SVOPL: variants seen among roughly 807,000 people sequenced by gnomAD.
SVOPL encodes the protein SVOP like.
SVOPL carries 60 observed loss-of-function variants against 61.0 expected under a neutral mutation model. The ratio of observed to expected loss-of-function variants is 0.98; its 90% confidence interval spans 0.80 to 1.22. The LOEUF (loss-of-function observed/expected upper bound fraction) is 1.22. SVOPL is among the 50% of genes most tolerant of loss of function. The probability of loss-of-function intolerance (pLI) is 0.00; values close to 1 mark genes in which losing one functional copy is unlikely to be tolerated. For missense variants in SVOPL, 662 were observed against 643.9 expected (o/e 1.03, Z -0.30); for synonymous variants, 279 against 250.0 (o/e 1.12, Z -1.09).
At chr7:138,605,698 C>T (rs1798727930) in intron 14 of SVOPL, among the ~76,000 whole-genome samples, 1 of 143,756 alleles carries the variant, frequency 7.0e-6, no homozygotes, top group African/African-American at 2.6e-5. Context: ...CAAGATAAAA[C>T]ACATAACCAC....
At chr7:138,620,116 T>TC (rs1269906016) in intron 14 of SVOPL, among the ~76,000 whole-genome samples, 2 of 136,494 alleles carry the variant, frequency 1.5e-5, no homozygotes, top group Non-Finnish European at 3.1e-5. Context: ...TTGTTTTTTT[T>TC]CTGTTTTGTT....
rs146402992 is a variant in SVOPL, at chr7:138,621,229, T to C, written c.1264-94A>G. On this transcript the variant is annotated intron_variant, in intron 13 of 15. Coordinates refer to ENST00000674285, the MANE Select transcript of SVOPL (RefSeq NM_001139456.2). ...TTCCTCCCCAGGTCAGGTTTTGGAA[T>C]GCATAGAGCACCAAACACAGTTACA... The C allele has an allele frequency of 4.1e-5, 38 of 934,594 alleles. No individual in the cohort carries two copies. The East Asian group carries it at 8.4e-4, about 21-fold the overall frequency. The allele number at this position is 934,594 out of a possible 1,614,324, so 57.9% of individuals were successfully genotyped here.
At chr7:138,650,170 C>CA (rs1343625607) in intron 7 of SVOPL, among the ~76,000 whole-genome samples, 2 of 152,092 alleles carry the variant, frequency 1.3e-5, no homozygotes, top group African/African-American at 4.8e-5. Flanking sequence ...ACAAATTGTA[C>CA]AAAAATTTTT....
At chr7:138,600,578 G>A (rs953726482) in intron 14 of SVOPL, among the ~76,000 whole-genome samples, 7 of 151,986 alleles carry the variant, frequency 4.6e-5, no homozygotes, top group Middle Eastern at 3.4e-3. Flanking sequence ...TTCCAGTCTC[G>A]GTGACAGAGC....
intron 3 of SVOPL, among the ~76,000 whole-genome samples, chr7:138,676,942 CATCA>C (rs1802577997): frequency 1.6e-5 from 1 of 62,302 alleles, no homozygotes; most frequent in African/African-American, 7.1e-5. Context: ...CTCGCTCTGT[CATCA>C]GGGCTGGAGT....
rs1801924674 is a variant in SVOPL, at chr7:138,659,872, G to C, written c.462C>G (p.His154Gln). The change falls in exon 6 of 16, where the codon CAC becomes CAG. Residue 154 changes from histidine (H) to glutamine (Q), a missense_variant. Coordinates refer to ENST00000674285, the MANE Select transcript of SVOPL (RefSeq NM_001139456.2). ...CTGGGTAACATATTTACCCTTGCGAGTGGCCGGACACACCACAGCCCACCA... is the reference window on the plus strand; with the variant it reads ...CTGGGTAACATATTTACCCTTGCGACTGGCCGGACACACCACAGCCCACCA... ...RTMVGCGVSG[H>Q]SQGLIIKTEF... The C allele has an allele frequency of 6.4e-7, 1 of 1,551,496 alleles. No individual in the cohort carries two copies. Among genetic ancestry groups the C allele is most frequent in the Non-Finnish European group, 8.7e-7 (1 of 1,146,968 alleles).
chr7:138,691,674 G>A (rs1350093870), intron 1 of SVOPL, among the ~76,000 whole-genome samples: 4 of 152,042 alleles, frequency 2.6e-5, no homozygotes, highest in East Asian at 3.9e-4. Flanking sequence ...CCGAGAAGCC[G>A]GGATTACAGG....
At chr7:138,600,937 A>G (rs1278972642) in intron 14 of SVOPL, among the ~76,000 whole-genome samples, 1 of 152,122 alleles carries the variant, frequency 6.6e-6, no homozygotes, top group Non-Finnish European at 1.5e-5. Flanking sequence ...GGATTCAGCA[A>G]TCCCTCTGCT....
At chr7:138,601,828 C>T (rs927638758) in intron 14 of SVOPL, among the ~76,000 whole-genome samples, 1 of 152,148 alleles carries the variant, frequency 6.6e-6, no homozygotes, top group East Asian at 1.9e-4. Context: ...TTACTTCCCA[C>T]GTGTCTCTGC....
rs535660443 is a variant in SVOPL at position 138,678,983 on chromosome 7, G to A, written c.63C>T (p.Thr21=). 2.8e-5 allele frequency: 43 copies of A among 1,551,594 alleles called. No homozygotes were observed. Among genetic ancestry groups the A allele is most frequent in the African/African-American group, 9.6e-5 (7 of 73,138 alleles). The change falls in exon 2 of 16, where the codon ACC becomes ACT. Residue 21 remains threonine (T), a synonymous_variant. Coordinates refer to ENST00000674285, the MANE Select transcript of SVOPL (RefSeq NM_001139456.2). ...ILSLRKLSLG[T]AEPQVKEPKT... Reference sequence around the variant, plus strand: ...TCTCACCTTTAACCTGTGGCTCTGCGGTCCCCAGGCTCAATTTCCGAAGGC... The same window carrying A: ...TCTCACCTTTAACCTGTGGCTCTGCAGTCCCCAGGCTCAATTTCCGAAGGC...
intron 4 of SVOPL, among the ~76,000 whole-genome samples, chr7:138,666,191 G>T (rs1802254990): frequency 6.6e-6 from 1 of 152,162 alleles, no homozygotes; most frequent in Non-Finnish European, 1.5e-5. Context: ...TTGCCTTCCT[G>T]GATACACCTA....
At chr7:138,620,366 C>A (rs1799506886) in intron 14 of SVOPL, among the ~76,000 whole-genome samples, 1 of 149,820 alleles carries the variant, frequency 6.7e-6, no homozygotes, top group African/African-American at 2.5e-5. Context: ...GGTGATCCAC[C>A]CACCTCAGCC....
rs1342144324 is a variant in SVOPL at position 138,622,074 on chromosome 7, C to CTATCTGTCTATG, written c.1264-940_1264-939insCATAGACAGATA. ...TCTATGTATCTATCTATCTATGTAT[C>CTATCTGTCTATG]TATCTATCTATCTATGTATCTATCT... On this transcript the variant is annotated intron_variant, in intron 13 of 15. Coordinates refer to ENST00000674285, the MANE Select transcript of SVOPL (RefSeq NM_001139456.2). 8.9e-4 allele frequency among the ~76,000 whole-genome samples: 22 copies of CTATCTGTCTATG among 24,658 alleles called. 1 individual carries two copies. Among genetic ancestry groups the CTATCTGTCTATG allele is most frequent in the African/African-American group, 3.7e-3 (20 of 5,462 alleles). The allele number at this position is 24,658 out of a possible 152,430, so 16.2% of individuals were successfully genotyped here.
rs562815062 is a variant in SVOPL at position 138,680,875 on chromosome 7, G to A, written c.-34-1796C>T. Among the ~76,000 whole-genome samples the A allele has an allele frequency of 4.4e-3, 669 of 152,066 alleles. 12 individuals are homozygous for A. Among genetic ancestry groups the A allele is most frequent in the Non-Finnish European group, 5.2e-3 (357 of 68,002 alleles). On this transcript the variant is annotated intron_variant, in intron 1 of 15. Transcript: ENST00000674285. Reference sequence around the variant, plus strand: ...ATTACAGGTGTGAGCCACCTTGCCCGGCCAGACTTTTTTTCAGATGACTCT... The same window carrying A: ...ATTACAGGTGTGAGCCACCTTGCCCAGCCAGACTTTTTTTCAGATGACTCT...
intron 3 of SVOPL, among the ~76,000 whole-genome samples, chr7:138,676,421 T>G (rs192649492): frequency 6.6e-6 from 1 of 152,096 alleles, no homozygotes; most frequent in Non-Finnish European, 1.5e-5. Context: ...GAGGACCTAC[T>G]CCCTCGTGTC....
intron 7 of SVOPL, among the ~76,000 whole-genome samples, chr7:138,651,027 T>A (rs937684285): frequency 2.6e-5 from 4 of 151,262 alleles, no homozygotes; most frequent in Non-Finnish European, 2.9e-5. Context: ...CTCTAATCAA[T>A]GGCCAGCAGG....
chr7:138,630,800 G>A lies in SVOPL; in HGVS notation c.790-678C>T, dbSNP rs564523788. ...TCTACCAAAAATACAAAAATTAGCC[G>A]GACATGGTGGAGCATGCCTGTAATC... is the stretch of plus-strand genomic sequence containing the variant. On this transcript the variant is annotated intron_variant, in intron 9 of 15. Transcript: ENST00000674285. Among the ~76,000 whole-genome samples, 26 of 152,068 alleles carry A rather than the reference G, an allele frequency of 1.7e-4. 1 individual carries two copies. The highest frequency in any genetic ancestry group is 4.8e-4 in the African/African-American group (20 of 41,508).
intron 1 of SVOPL, among the ~76,000 whole-genome samples, chr7:138,684,408 A>C (rs1176744311): frequency 3.3e-5 from 5 of 152,028 alleles, no homozygotes; most frequent in Non-Finnish European, 7.4e-5. Context: ...AACTTGAGCA[A>C]AACTCAAAAA....
At position 138,664,036 on chromosome 7, in the gene SVOPL, C is replaced by A. The variant is rs1304350211; in HGVS notation, c.274-891G>T. On this transcript the variant is annotated intron_variant, in intron 4 of 15. Transcript: ENST00000674285. ...CCACGACTGGGTCCTGCACGCTACA[C>A]TTTCTAGGACAGAAACGTTCCGTAA... 2.0e-5 allele frequency among the ~76,000 whole-genome samples: 3 copies of A among 152,286 alleles called. No homozygotes were observed. In the East Asian group the frequency reaches 5.8e-4, roughly 29 times the overall value.
Sources: gnomAD v4.1 joint callset for allele counts (sites outside exome capture counted in the v4.1 genomes callset) on GRCh38, gnomAD v4.1.1 for gene constraint, MANE v1.5 for transcripts, NCBI Gene and HGNC (gene_info 2026-07-23, HGNC 2026-07-21) for gene names.